ARHGEF3: variants seen among roughly 807,000 people sequenced by gnomAD.
ARHGEF3 encodes the protein Rho guanine nucleotide exchange factor 3, also known as 59.8 kDA protein.
In ARHGEF3, 28 loss-of-function variants were observed where a neutral mutation model predicts 63.2. The observed-to-expected ratio is 0.44, with a 90% CI of 0.33 to 0.61. The LOEUF (loss-of-function observed/expected upper bound fraction) is 0.61. ARHGEF3 is among the 20% of genes least tolerant of loss of function. The pLI, the probability that ARHGEF3 is intolerant of heterozygous loss-of-function variation, is 0.03. For missense variants in ARHGEF3, 533 were observed against 659.3 expected, an observed-to-expected ratio of 0.81 and a Z score of 2.10; for synonymous variants, 266 against 254.2, an observed-to-expected ratio of 1.05 and a Z score of -0.44.
At chr3:57,023,851 C>G (rs2082465828) in intron 2 of ARHGEF3, among the ~76,000 whole-genome samples, 1 of 152,244 alleles carries the variant, frequency 6.6e-6, no homozygotes, top group Admixed American at 6.5e-5. Context: ...ATGCTCACTG[C>G]CCTGGGAATA....
At chr3:57,069,206 C>A (rs1705739454) in intron 1 of ARHGEF3, among the ~76,000 whole-genome samples, 1 of 152,198 alleles carries the variant, frequency 6.6e-6, no homozygotes, top group Non-Finnish European at 1.5e-5. Context: ...CAGGCGTGAG[C>A]CACCACGCCT....
rs539265952 is a variant in ARHGEF3, at chr3:56,753,375, G to A, written c.438+129C>T. On this transcript the variant is annotated intron_variant, in intron 4 of 9. Coordinates refer to ENST00000296315, the MANE Select transcript of ARHGEF3 (RefSeq NM_019555.3). Reference sequence around the variant, plus strand: ...CTTGTTTTGAAACACTTTCCCCACTGCTTGGTGTGTGGTAGCAGACCAGTC... The same window carrying A: ...CTTGTTTTGAAACACTTTCCCCACTACTTGGTGTGTGGTAGCAGACCAGTC... The A allele has an allele frequency of 1.5e-4, 112 of 754,256 alleles. No homozygotes were observed. The African/African-American group carries it at 1.9e-3, about 13-fold the overall frequency. The allele number at this position is 754,256 out of a possible 1,614,324, so 46.7% of individuals were successfully genotyped here.
At chr3:56,811,130 A>C (rs2038048019) in intron 4 of ARHGEF3, among the ~76,000 whole-genome samples, 1 of 152,350 alleles carries the variant, frequency 6.6e-6, no homozygotes, top group African/African-American at 2.4e-5. Flanking sequence ...GGATATGATG[A>C]AAAATTGACA....
chr3:56,814,384 C>T (rs1032330551), intron 4 of ARHGEF3, among the ~76,000 whole-genome samples: 3 of 152,014 alleles, frequency 2.0e-5, no homozygotes, highest in Admixed American at 2.0e-4. Context: ...CCACTGTGGC[C>T]CACGGAAGCC....
chr3:57,013,930 T>A (rs1405603288), intron 2 of ARHGEF3, among the ~76,000 whole-genome samples: 1 of 152,216 alleles, frequency 6.6e-6, no homozygotes, highest in Non-Finnish European at 1.5e-5. Flanking sequence ...GCGGCAACTC[T>A]TTGGGTCAAT....
intron 2 of ARHGEF3, among the ~76,000 whole-genome samples, chr3:56,963,796 C>G (rs934807891): frequency 1.4e-4 from 22 of 152,160 alleles, no homozygotes; most frequent in Non-Finnish European, 5.9e-5. Flanking sequence ...ACTTAAACAT[C>G]TTTTTAGTTT....
At chr3:56,917,999 C>T (rs749677277) in intron 3 of ARHGEF3, among the ~76,000 whole-genome samples, 3 of 152,166 alleles carry the variant, frequency 2.0e-5, no homozygotes, top group Non-Finnish European at 4.4e-5. Context: ...TCAGATTGTC[C>T]TTGGGATTCC....
At chr3:56,749,021 T>C (rs529409784) in intron 6 of ARHGEF3, among the ~76,000 whole-genome samples, 2 of 152,120 alleles carry the variant, frequency 1.3e-5, no homozygotes, top group South Asian at 4.1e-4. Context: ...TTTTGTTCTG[T>C]TAAAAATACA....
chr3:56,895,086 C>T (rs1309822306), intron 3 of ARHGEF3, among the ~76,000 whole-genome samples: 1 of 146,542 alleles, frequency 6.8e-6, no homozygotes, highest in Admixed American at 6.7e-5. Context: ...CCCTCTACCT[C>T]CCTCCCTCCC....
At chr3:56,744,501 C>T (rs1325820038) in intron 7 of ARHGEF3, among the ~76,000 whole-genome samples, 4 of 151,470 alleles carry the variant, frequency 2.6e-5, no homozygotes, top group East Asian at 1.9e-4. Flanking sequence ...CAGGCTCAAG[C>T]GATTCTTGTG....
At chr3:56,929,173 G>A (rs2042349027) in intron 3 of ARHGEF3, among the ~76,000 whole-genome samples, 1 of 152,110 alleles carries the variant, frequency 6.6e-6, no homozygotes, top group Admixed American at 6.5e-5. Context: ...AGTGAGAGTG[G>A]GGGATACCAG....
At chr3:57,014,014 C>T (rs1017042607) in intron 2 of ARHGEF3, among the ~76,000 whole-genome samples, 4 of 152,302 alleles carry the variant, frequency 2.6e-5, no homozygotes, top group South Asian at 2.1e-4. Flanking sequence ...TGGATCTGCA[C>T]TGCCTTTATG....
chr3:57,071,259 A>T (rs1003800092), intron 1 of ARHGEF3, among the ~76,000 whole-genome samples: 9 of 152,216 alleles, frequency 5.9e-5, no homozygotes, highest in Non-Finnish European at 1.2e-4. Context: ...GGATTTCCAT[A>T]TGCAAAAAAT....
chr3:56,993,931 A>G (rs1701864882), intron 2 of ARHGEF3, among the ~76,000 whole-genome samples: 1 of 151,128 alleles, frequency 6.6e-6, no homozygotes. Context: ...GGGCGTGGTG[A>G]TGGGTGCCTG....
At chr3:56,961,364 G>C (rs773431491) in intron 2 of ARHGEF3, among the ~76,000 whole-genome samples, 1 of 152,150 alleles carries the variant, frequency 6.6e-6, no homozygotes, top group Non-Finnish European at 1.5e-5. Context: ...CATGCCAGAA[G>C]TCACACAGCT....
At chr3:56,911,092 C>T (rs2041841706) in intron 3 of ARHGEF3, among the ~76,000 whole-genome samples, 1 of 152,140 alleles carries the variant, frequency 6.6e-6, no homozygotes, top group Non-Finnish European at 1.5e-5. Context: ...CCAGGGTTAA[C>T]TGCAAAATCC....
At chr3:57,017,179 G>C (rs1233535732) in intron 2 of ARHGEF3, among the ~76,000 whole-genome samples, 2 of 152,106 alleles carry the variant, frequency 1.3e-5, no homozygotes, top group Admixed American at 1.3e-4. Context: ...AGGAGACTGA[G>C]GCTTAGACAA....
chr3:56,885,472 T>A (rs1001144277), intron 3 of ARHGEF3, among the ~76,000 whole-genome samples: 1 of 152,158 alleles, frequency 6.6e-6, no homozygotes, highest in Non-Finnish European at 1.5e-5. Context: ...AGTTTTATGG[T>A]GCTACAGTTC....
chr3:56,923,062 A>ATATATC (rs2042188492), intron 3 of ARHGEF3, among the ~76,000 whole-genome samples: 1 of 29,622 alleles, frequency 3.4e-5, no homozygotes, highest in Non-Finnish European at 7.9e-5. Flanking sequence ...ATATATATAT[A>ATATATC]TATATATATA....
Sources: gnomAD v4.1 joint callset for allele counts (sites outside exome capture counted in the v4.1 genomes callset) on GRCh38, gnomAD v4.1.1 for gene constraint, MANE v1.5 for transcripts, NCBI Gene and HGNC (gene_info 2026-07-23, HGNC 2026-07-21) for gene names.